SESTD1: variants seen among roughly 807,000 people sequenced by gnomAD.
The protein encoded by SESTD1 is SEC14 and spectrin domain containing 1.
In SESTD1, 43 loss-of-function variants were observed where a neutral mutation model predicts 101.7. The observed-to-expected ratio is 0.42, with a 90% CI of 0.33 to 0.55. The LOEUF (loss-of-function observed/expected upper bound fraction) is 0.55. SESTD1 is among the 20% of genes least tolerant of loss of function. The pLI, the probability that SESTD1 is intolerant of heterozygous loss-of-function variation, is 0.07. For synonymous variants in SESTD1, 283 were observed against 286.8 expected (o/e 0.99, Z 0.13); for missense variants, 647 against 815.1 (o/e 0.79, Z 2.51).
intron 6 of SESTD1, among the ~76,000 whole-genome samples, chr2:179,150,075 C>T (rs1356826397): frequency 6.6e-6 from 1 of 152,006 alleles, no homozygotes; most frequent in African/African-American, 2.4e-5. Flanking sequence ...AAAATAAAAC[C>T]TTCGTCAGGC....
rs567506885 is a variant in SESTD1, at chr2:179,197,833, C to G, written c.-25-5967G>C. On this transcript the variant is annotated intron_variant, in intron 1 of 17. Coordinates refer to ENST00000428443, the MANE Select transcript of SESTD1 (RefSeq NM_178123.5). ...AGCGCTAAACATGGAAAGGAACAAC[C>G]GGTACCAGCCACTGCAAAATCATGC... Among the ~76,000 whole-genome samples the G allele has an allele frequency of 3.3e-5, 5 of 152,086 alleles. No homozygotes were observed. In the South Asian group the frequency reaches 1.0e-3, roughly 32 times the overall value.
intron 2 of SESTD1, among the ~76,000 whole-genome samples, chr2:179,185,163 A>G (rs1317573323): frequency 1.3e-5 from 2 of 151,826 alleles, no homozygotes; most frequent in African/African-American, 2.4e-5. Context: ...ACAAATATAA[A>G]TGCATATTAT....
chr2:179,239,959 T>C (rs1370438288), intron 1 of SESTD1, among the ~76,000 whole-genome samples: 3 of 152,212 alleles, frequency 2.0e-5, no homozygotes, highest in Non-Finnish European at 4.4e-5. Flanking sequence ...CATTTTTCAA[T>C]AGTTCCAGCT....
At chr2:179,176,034 A>T (rs1450432404) in intron 4 of SESTD1, among the ~76,000 whole-genome samples, 1 of 152,176 alleles carries the variant, frequency 6.6e-6, no homozygotes, top group Non-Finnish European at 1.5e-5. Flanking sequence ...GAATCACCTG[A>T]GAAGTTTCTT....
chr2:179,143,874 A>G, intron 8 of SESTD1, 71 bp from the exon 9 acceptor site: 1 of 1,497,126 alleles, frequency 6.7e-7, no homozygotes, highest in East Asian at 2.4e-5. Flanking sequence ...AATATTCCCA[A>G]TTCTAGTCCC....
chr2:179,244,219 G>T (rs1052929826), intron 1 of SESTD1, among the ~76,000 whole-genome samples: 1 of 152,094 alleles, frequency 6.6e-6, no homozygotes, highest in African/African-American at 2.4e-5. Context: ...CACTTTGTGA[G>T]GCCAAGGCAG....
chr2:179,185,033 A>G (rs147743951), intron 2 of SESTD1, among the ~76,000 whole-genome samples: 104 of 152,290 alleles, frequency 6.8e-4, no homozygotes, highest in Non-Finnish European at 1.3e-3. Context: ...GGTAAAGATT[A>G]TAAGAGAATA....
chr2:179,235,830 G>T (rs2047058277), intron 1 of SESTD1, among the ~76,000 whole-genome samples: 1 of 152,054 alleles, frequency 6.6e-6, no homozygotes, highest in Non-Finnish European at 1.5e-5. Context: ...TTTCTCATTA[G>T]CAAGAAACCA....
intron 1 of SESTD1, among the ~76,000 whole-genome samples, chr2:179,250,672 C>G (rs545595462): frequency 6.8e-6 from 1 of 147,746 alleles, no homozygotes; most frequent in Admixed American, 6.7e-5. Context: ...AGGGGCCACT[C>G]TAAAGACCCA....
chr2:179,181,710 G>T (rs985925744), intron 3 of SESTD1, among the ~76,000 whole-genome samples: 1 of 152,104 alleles, frequency 6.6e-6, no homozygotes, highest in Admixed American at 6.6e-5. Context: ...ACTTGGCTCA[G>T]ATGGCACTTG....
Position 179,176,431 on chromosome 2 carries a change from G to C in SESTD1, c.255+17C>G. ...GTAAAATAAAAACCATTTCCTGATA[G>C]ACAAAACCAAAATTACCTGTAGCAT... is the stretch of plus-strand genomic sequence containing the variant. On this transcript the variant is annotated intron_variant, in intron 4 of 17. Transcript: ENST00000428443. 1 of 1,605,090 alleles carries C rather than the reference G, an allele frequency of 6.2e-7. No individual in the cohort carries two copies. Among genetic ancestry groups the C allele is most frequent in the Non-Finnish European group, 8.5e-7 (1 of 1,173,388 alleles).
At chr2:179,189,146 C>G (rs897647550) in intron 2 of SESTD1, among the ~76,000 whole-genome samples, 2 of 152,104 alleles carry the variant, frequency 1.3e-5, no homozygotes, top group Non-Finnish European at 2.9e-5. Context: ...AGGCCAATAT[C>G]CCTGATGAAC....
chr2:179,207,661 A>G (rs1247326155), intron 1 of SESTD1, among the ~76,000 whole-genome samples: 1 of 135,152 alleles, frequency 7.4e-6, no homozygotes, highest in East Asian at 2.0e-4. Flanking sequence ...TCTGGCTCTC[A>G]GGAAGCCCCA....
chr2:179,184,461 T>A (rs1466685748), intron 2 of SESTD1, among the ~76,000 whole-genome samples: 2 of 152,146 alleles, frequency 1.3e-5, no homozygotes, highest in African/African-American at 4.8e-5. Flanking sequence ...AACCACTTTG[T>A]TTAATGTCAA....
At chr2:179,117,707 T>C in intron 13 of SESTD1, 94 bp from the exon 14 acceptor site, 1 of 963,400 alleles carries the variant, frequency 1.0e-6, no homozygotes, top group East Asian at 2.9e-5. Context: ...TATAGTACAC[T>C]AAAATACTTA....
chr2:179,201,109 G>C (rs573658883), intron 1 of SESTD1, among the ~76,000 whole-genome samples: 1 of 134,242 alleles, frequency 7.4e-6, no homozygotes, highest in Admixed American at 7.2e-5. Context: ...AAAAGTGGGC[G>C]AAGGACATGA....
intron 1 of SESTD1, among the ~76,000 whole-genome samples, chr2:179,242,767 G>A (rs192581217): frequency 3.8e-4 from 58 of 152,146 alleles, no homozygotes; most frequent in Non-Finnish European, 4.0e-4. Context: ...GAATGAAACC[G>A]GACAGTACCT....
At chr2:179,159,090 A>G (rs2045683539) in intron 5 of SESTD1, among the ~76,000 whole-genome samples, 1 of 152,232 alleles carries the variant, frequency 6.6e-6, no homozygotes, top group African/African-American at 2.4e-5. Context: ...TGAAGGGAAA[A>G]GACATTTAAG....
chr2:179,159,624 G>A (rs2045695996), intron 5 of SESTD1, among the ~76,000 whole-genome samples: 1 of 152,162 alleles, frequency 6.6e-6, no homozygotes, highest in African/African-American at 2.4e-5. Flanking sequence ...AGGAATCCCA[G>A]ACTAGGTGAT....
Sources: gnomAD v4.1 joint callset for allele counts (sites outside exome capture counted in the v4.1 genomes callset) on GRCh38, gnomAD v4.1.1 for gene constraint, MANE v1.5 for transcripts, NCBI Gene and HGNC (gene_info 2026-07-23, HGNC 2026-07-21) for gene names.